Variants in PRKCE observed in about 807,000 individuals in gnomAD.
PRKCE encodes protein kinase C epsilon type.
In PRKCE, 16 loss-of-function variants were observed where a neutral mutation model predicts 85.4. That is an observed-to-expected ratio of 0.19 (90% CI 0.13 to 0.28). PRKCE has a LOEUF of 0.28. Among genes scored for constraint, PRKCE ranks in the 10% least tolerant of loss-of-function variants. The pLI, the probability that PRKCE is intolerant of heterozygous loss-of-function variation, is 1.00. For missense variants in PRKCE, 573 were observed against 975.2 expected, an observed-to-expected ratio of 0.59 and a Z score of 5.49; for synonymous variants, 388 against 371.5, an observed-to-expected ratio of 1.04 and a Z score of -0.51.
intron 1 of PRKCE, among the ~76,000 whole-genome samples, chr2:45,830,949 G>A (rs1436906938): frequency 1.3e-5 from 2 of 152,246 alleles, no homozygotes; most frequent in African/African-American, 4.8e-5. Flanking sequence ...GAATAAGGAA[G>A]ATAATGGATT....
intron 2 of PRKCE, among the ~76,000 whole-genome samples, chr2:45,915,346 G>GC (rs1697686041): frequency 6.6e-6 from 1 of 152,128 alleles, no homozygotes; most frequent in African/African-American, 2.4e-5. Context: ...AGTATTTAAT[G>GC]CATCTGTTCT....
chr2:46,149,655 T>C (rs531152077), intron 12 of PRKCE, among the ~76,000 whole-genome samples: 5 of 150,536 alleles, frequency 3.3e-5, no homozygotes, highest in African/African-American at 1.2e-4. Context: ...AGCTGAAAGG[T>C]GATATTAAAT....
chr2:45,718,223 T>C (rs1278083695), intron 1 of PRKCE, among the ~76,000 whole-genome samples: 2 of 152,168 alleles, frequency 1.3e-5, no homozygotes, highest in Non-Finnish European at 2.9e-5. Context: ...CAAATGTCTT[T>C]AGACATTACC....
At chr2:46,029,088 C>T (rs1462036143) in intron 10 of PRKCE, among the ~76,000 whole-genome samples, 1 of 152,164 alleles carries the variant, frequency 6.6e-6, no homozygotes, top group Non-Finnish European at 1.5e-5. Flanking sequence ...GATTCCACGT[C>T]TTTGTTATTG....
chr2:46,083,991 C>G (rs1393365254), intron 10 of PRKCE, among the ~76,000 whole-genome samples: 3 of 152,210 alleles, frequency 2.0e-5, no homozygotes, highest in Admixed American at 2.0e-4. Context: ...GGCCAGGCCC[C>G]CACCCTCAGA....
At chr2:46,010,002 G>A (rs780710103) in intron 9 of PRKCE, among the ~76,000 whole-genome samples, 2 of 152,230 alleles carry the variant, frequency 1.3e-5, no homozygotes, top group Non-Finnish European at 2.9e-5. Flanking sequence ...CCTGGGCATT[G>A]TGCCAGAGAT....
intron 10 of PRKCE, among the ~76,000 whole-genome samples, chr2:46,043,614 G>T (rs142394791): frequency 5.8e-4 from 88 of 152,282 alleles, no homozygotes; most frequent in African/African-American, 2.0e-3. Flanking sequence ...TTGTGTGTTT[G>T]GGCAGTGGGG....
rs1668191075 is a variant in PRKCE, at chr2:46,072,805, T to G, written c.1438-13403T>G. On this transcript the variant is annotated intron_variant, in intron 10 of 14. Transcript: ENST00000306156. ...GATGGGGGTGCACTTTGTCCATCAG[T>G]GTGCTGGGATAGAAGACTAAAAGCC... Among the ~76,000 whole-genome samples, 3 of 152,174 alleles carry G rather than the reference T, an allele frequency of 2.0e-5. No individual in the cohort carries two copies. The South Asian group carries it at 6.2e-4, about 32-fold the overall frequency.
At chr2:46,050,000 G>C (rs1414071590) in intron 10 of PRKCE, among the ~76,000 whole-genome samples, 3 of 151,912 alleles carry the variant, frequency 2.0e-5, no homozygotes, top group Admixed American at 6.5e-5. Context: ...TAAAAGCTGG[G>C]CCCACCGACT....
intron 11 of PRKCE, among the ~76,000 whole-genome samples, chr2:46,103,469 T>C (rs1225898240): frequency 3.3e-5 from 5 of 152,216 alleles, no homozygotes; most frequent in African/African-American, 1.2e-4. Context: ...GAATTGTGTG[T>C]GTTCTAACTC....
chr2:46,104,756 A>ACAATGAAACCAATTGTC (rs1205797049), intron 11 of PRKCE, among the ~76,000 whole-genome samples: 1 of 152,180 alleles, frequency 6.6e-6, no homozygotes, highest in Non-Finnish European at 1.5e-5. Flanking sequence ...GACTTCAGGG[A>ACAATGAAACCAATTGTC]CAATGAAACC....
chr2:45,719,133 C>CA (rs1174267426), intron 1 of PRKCE, among the ~76,000 whole-genome samples: 1 of 152,206 alleles, frequency 6.6e-6, no homozygotes, highest in Non-Finnish European at 1.5e-5. Context: ...TCCTTGCCAC[C>CA]TGTGGGCGGT....
intron 10 of PRKCE, among the ~76,000 whole-genome samples, chr2:46,051,129 C>T (rs1708833158): frequency 6.6e-6 from 1 of 152,226 alleles, no homozygotes; most frequent in South Asian, 2.1e-4. Context: ...ACTGAGATGA[C>T]TTCAGTTCCT....
chr2:45,803,949 G>A (rs1232174076), intron 1 of PRKCE, among the ~76,000 whole-genome samples: 1 of 152,168 alleles, frequency 6.6e-6, no homozygotes, highest in Non-Finnish European at 1.5e-5. Flanking sequence ...GGATCCTCCG[G>A]TCCTTATCCC....
At chr2:45,746,024 A>G (rs1425768968) in intron 1 of PRKCE, among the ~76,000 whole-genome samples, 2 of 152,198 alleles carry the variant, frequency 1.3e-5, no homozygotes, top group Admixed American at 6.5e-5. Flanking sequence ...AGTGATAGCC[A>G]AAAGAAATCA....
At chr2:45,835,182 C>G (rs1354473615) in intron 1 of PRKCE, among the ~76,000 whole-genome samples, 3 of 152,128 alleles carry the variant, frequency 2.0e-5, no homozygotes, top group South Asian at 4.1e-4. Context: ...TTAAATGCTC[C>G]GAGGGTGGGA....
intron 1 of PRKCE, among the ~76,000 whole-genome samples, chr2:45,702,219 A>G (rs1350135387): frequency 1.3e-5 from 2 of 152,138 alleles, no homozygotes; most frequent in Admixed American, 1.3e-4. Flanking sequence ...AAACAATACA[A>G]AGATGACTTA....
chr2:46,021,861 G>A (rs924167225), intron 10 of PRKCE, among the ~76,000 whole-genome samples: 13 of 152,128 alleles, frequency 8.5e-5, no homozygotes, highest in East Asian at 3.8e-4. Context: ...GTTTAGATTC[G>A]TGTTGAATTT....
chr2:45,898,560 C>T (rs987719812), intron 2 of PRKCE, among the ~76,000 whole-genome samples: 2 of 152,174 alleles, frequency 1.3e-5, no homozygotes, highest in Admixed American at 6.5e-5. Context: ...CAGATGTCCC[C>T]TGGGCTTTCC....
Sources: allele counts gnomAD v4.1 joint callset (sites outside exome capture counted in the v4.1 genomes callset), GRCh38; gene constraint gnomAD v4.1.1; transcripts MANE v1.5; gene names NCBI Gene and HGNC (gene_info 2026-07-23, HGNC 2026-07-21).